The following ESRRG variants were observed in gnomAD, a reference collection of about 807,000 sequenced individuals.
ESRRG encodes estrogen-related receptor gamma.
In ESRRG, 13 loss-of-function variants were observed where a neutral mutation model predicts 44.0. That is an observed-to-expected ratio of 0.30 (90% CI 0.19 to 0.47). The LOEUF (loss-of-function observed/expected upper bound fraction) is 0.47, where lower values mean the gene tolerates loss of function less well. Among genes scored for constraint, ESRRG ranks in the 20% least tolerant of loss-of-function variants. The probability of loss-of-function intolerance (pLI) is 1.00; values close to 1 mark genes in which losing one functional copy is unlikely to be tolerated. For synonymous variants in ESRRG, 215 were observed against 214.6 expected (o/e 1.00, Z -0.02); for missense variants, 395 against 580.6 (o/e 0.68, Z 3.29).
At chr1:217,045,139 T>G (rs1352470472) in intron 1 of ESRRG, among the ~76,000 whole-genome samples, 2 of 152,210 alleles carry the variant, frequency 1.3e-5, no homozygotes, top group African/African-American at 4.8e-5. Flanking sequence ...AAATGAGCAT[T>G]TGTTAGGGCT....
intron 2 of ESRRG, among the ~76,000 whole-genome samples, chr1:216,900,917 C>T (rs1284703664): frequency 2.0e-5 from 3 of 152,156 alleles, no homozygotes; most frequent in East Asian, 3.9e-4. Flanking sequence ...AAGGGTGTCA[C>T]ATTGCCAAGT....
chr1:216,795,796 A>G (rs2094456710), intron 2 of ESRRG, among the ~76,000 whole-genome samples: 1 of 152,208 alleles, frequency 6.6e-6, no homozygotes, highest in African/African-American at 2.4e-5. Flanking sequence ...AGACAAAAAC[A>G]GAAATACATT....
At chr1:217,133,980 T>C (rs1580662859) in intron 1 of ESRRG, among the ~76,000 whole-genome samples, 1 of 152,258 alleles carries the variant, frequency 6.6e-6, no homozygotes, top group South Asian at 2.1e-4. Context: ...TCCCCGAATG[T>C]GGCCCAGAGT....
intron 2 of ESRRG, among the ~76,000 whole-genome samples, chr1:216,656,245 G>A (rs146309556): frequency 6.6e-6 from 1 of 152,252 alleles, no homozygotes; most frequent in Admixed American, 6.5e-5. Context: ...TTTGTTAGAT[G>A]GCACCAGGGA....
chr1:216,692,026 AATG>A (rs2079134725), intron 1 of ESRRG, among the ~76,000 whole-genome samples: 1 of 152,202 alleles, frequency 6.6e-6, no homozygotes, highest in African/African-American at 2.4e-5. Flanking sequence ...TTGTACTGAT[AATG>A]ATAATAGATT....
At chr1:216,898,000 A>G (rs1372804483) in intron 2 of ESRRG, among the ~76,000 whole-genome samples, 1 of 152,210 alleles carries the variant, frequency 6.6e-6, no homozygotes, top group Non-Finnish European at 1.5e-5. Context: ...CCTCATCTGC[A>G]CAATGAATAT....
intron 3 of ESRRG, among the ~76,000 whole-genome samples, chr1:216,576,287 T>C (rs1359936776): frequency 1.3e-5 from 2 of 149,728 alleles, no homozygotes; most frequent in African/African-American, 4.9e-5. Flanking sequence ...TCTGATGATA[T>C]AAAAGAGAAA....
At chr1:216,699,985 A>G (rs2081066754) in intron 1 of ESRRG, among the ~76,000 whole-genome samples, 1 of 152,174 alleles carries the variant, frequency 6.6e-6, no homozygotes, top group Non-Finnish European at 1.5e-5. Context: ...TTTAATTTAT[A>G]TAAATCCACT....
chr1:216,646,151 C>G (rs1027369660), intron 3 of ESRRG, among the ~76,000 whole-genome samples: 2 of 151,990 alleles, frequency 1.3e-5, no homozygotes, highest in Admixed American at 6.6e-5. Flanking sequence ...GTTAAAGCCC[C>G]TTTTTTTCCT....
At chr1:216,591,324 C>T (rs1015712659) in intron 3 of ESRRG, among the ~76,000 whole-genome samples, 1 of 152,152 alleles carries the variant, frequency 6.6e-6, no homozygotes, top group African/African-American at 2.4e-5. Flanking sequence ...CTGGTGAACA[C>T]ATCAACATGC....
intron 5 of ESRRG, among the ~76,000 whole-genome samples, chr1:216,525,449 C>G (rs1192433222): frequency 6.6e-6 from 1 of 152,082 alleles, no homozygotes; most frequent in African/African-American, 2.4e-5. Flanking sequence ...CTTCTTTTGT[C>G]CTTTCATCTA....
Position 216,506,589 on chromosome 1 carries a change from G to T in ESRRG, c.*350C>A. 2.1e-6 allele frequency: 1 copy of T among 466,646 alleles called. No homozygotes were observed. Among genetic ancestry groups the T allele is most frequent in the African/African-American group, 2.0e-5 (1 of 49,840 alleles). 28.9% of individuals were successfully genotyped at this position (466,646 alleles called of 1,614,324 possible). A position where few individuals can be genotyped will look rare whatever the true frequency, so the allele number is the denominator to read the frequency against. ...ATGAGAAAAGAGAGGAATGAGAGTA[G>T]GTAAAGAAAAGAAAGAAGGCAGGCA... On this transcript the variant is annotated 3_prime_UTR_variant, in exon 7 of 7. Transcript: ENST00000408911.
intron 1 of ESRRG, among the ~76,000 whole-genome samples, chr1:217,042,473 A>AAAAC (rs1341463126): frequency 1.0e-4 from 14 of 139,072 alleles, no homozygotes; most frequent in African/African-American, 3.7e-4. Context: ...TACACACACA[A>AAAAC]ACACACACAC....
At chr1:216,797,053 G>A (rs979031606) in intron 2 of ESRRG, among the ~76,000 whole-genome samples, 3 of 151,734 alleles carry the variant, frequency 2.0e-5, no homozygotes, top group African/African-American at 7.3e-5. Context: ...TGTCACACCT[G>A]GCTAATTTTT....
chr1:216,558,508 CT>C (rs1355127414), intron 5 of ESRRG, among the ~76,000 whole-genome samples: 4 of 152,160 alleles, frequency 2.6e-5, no homozygotes, highest in Non-Finnish European at 5.9e-5. Context: ...TGAATATGAA[CT>C]TTTTAGATCA....
rs1573060649 is a variant in ESRRG, at chr1:216,564,249, C to T, written c.832G>A (p.Val278Ile). The T allele has an allele frequency of 6.4e-7, 1 of 1,567,114 alleles. No individual in the cohort carries two copies. Among genetic ancestry groups the T allele is most frequent in the Non-Finnish European group, 8.6e-7 (1 of 1,157,834 alleles). ...LCDLADRELVVIIGWAKHIPG... is the reference protein window; with the variant it reads ...LCDLADRELVIIIGWAKHIPG... ...ATATGCTTCGCCCATCCAATGATAA[C>T]CACCAACTCTCGGTCGGCCAAGTCA... Residue 278 changes from valine to isoleucine, a missense_variant, in exon 5 of 7, where the codon GTT becomes ATT. Physicochemically the swap from Val to Ile is conservative, Grantham distance 29 (BLOSUM62 3). Around this residue, in one of 5 missense-constraint regions of ESRRG, gnomAD observed 167 missense variants for 251.8 expected, o/e 0.66. Coordinates refer to ENST00000408911, the MANE Select transcript of ESRRG (RefSeq NM_001438.4).
intron 1 of ESRRG, among the ~76,000 whole-genome samples, chr1:216,682,897 T>C (rs538603308): frequency 2.0e-5 from 3 of 152,198 alleles, no homozygotes; most frequent in South Asian, 2.1e-4. Context: ...CTTCAACTAA[T>C]TGCACTCTCG....
intron 2 of ESRRG, among the ~76,000 whole-genome samples, chr1:216,655,711 G>A (rs180953746): frequency 2.0e-5 from 3 of 152,134 alleles, no homozygotes; most frequent in African/African-American, 7.2e-5. Context: ...AAGTGACTCT[G>A]GTTTATATCT....
chr1:216,634,078 A>G (rs2064797718), intron 3 of ESRRG, among the ~76,000 whole-genome samples: 1 of 152,106 alleles, frequency 6.6e-6, no homozygotes, highest in Admixed American at 6.5e-5. Context: ...ACCAATGGAC[A>G]AAGAAATTCA....
Sources: allele counts gnomAD v4.1 joint callset (sites outside exome capture counted in the v4.1 genomes callset), GRCh38; gene constraint gnomAD v4.1.1; regional missense constraint gnomAD v4.1.1; transcripts MANE v1.5; gene names NCBI Gene and HGNC (gene_info 2026-07-23, HGNC 2026-07-21).